ACO1: variants seen among roughly 807,000 people sequenced by gnomAD.
The protein encoded by ACO1 is aconitase 1, also known as cytoplasmic aconitate hydratase.
Under a neutral mutation model 105.1 loss-of-function variants are expected in ACO1, and 78 were observed. The observed-to-expected ratio is 0.74, with a 90% CI of 0.62 to 0.90. The LOEUF (loss-of-function observed/expected upper bound fraction) is 0.90. Ranked by LOEUF, ACO1 falls within the 40% of genes least tolerant of loss-of-function variation. The probability of loss-of-function intolerance (pLI) is 0.00; values close to 1 mark genes in which losing one functional copy is unlikely to be tolerated. For missense variants in ACO1, 965 were observed against 1,111.1 expected (o/e 0.87, Z 1.87); for synonymous variants, 364 against 397.4 (o/e 0.92, Z 1.00).
At chr9:32,437,151 C>T (rs1344927186) in intron 18 of ACO1, among the ~76,000 whole-genome samples, 1 of 152,202 alleles carries the variant, frequency 6.6e-6, no homozygotes, top group Non-Finnish European at 1.5e-5. Flanking sequence ...TGGCACTTAA[C>T]TACATTCCAG....
chr9:32,418,248 CG>C, intron 5 of ACO1, 51 bp downstream of exon 5: 1 of 1,611,778 alleles, frequency 6.2e-7, no homozygotes, highest in Non-Finnish European at 8.5e-7. Context: ...AGGCAGGGTA[CG>C]AGGGAGAGAT....
At chr9:32,437,456 G>A (rs1429254707) in intron 18 of ACO1, among the ~76,000 whole-genome samples, 1 of 152,156 alleles carries the variant, frequency 6.6e-6, no homozygotes, top group African/African-American at 2.4e-5. Flanking sequence ...CCTGTTCAAT[G>A]GATAGCAGAG....
At chr9:32,427,715 A>G (rs1422371349) in intron 12 of ACO1, among the ~76,000 whole-genome samples, 1 of 152,146 alleles carries the variant, frequency 6.6e-6, no homozygotes, top group East Asian at 1.9e-4. Context: ...GGACATTACC[A>G]CACACTACTG....
chr9:32,388,699 T>C (rs1428971894), intron 1 of ACO1, among the ~76,000 whole-genome samples: 2 of 152,194 alleles, frequency 1.3e-5, no homozygotes, highest in Non-Finnish European at 2.9e-5. Context: ...GTTTAGAAGA[T>C]AGACCAGTAG....
chr9:32,422,579 G>A (rs982927722), intron 8 of ACO1, among the ~76,000 whole-genome samples: 1 of 152,154 alleles, frequency 6.6e-6, no homozygotes, highest in South Asian at 2.1e-4. Flanking sequence ...TACTTCATGA[G>A]TATTATCTCC....
At position 32,450,989 on chromosome 9, in the gene ACO1, T is replaced by C. The variant is rs1245742013; in HGVS notation, c.*878T>C. The C allele has an allele frequency of 6.6e-6, 1 of 152,028 alleles. No individual in the cohort carries two copies. The highest frequency in any genetic ancestry group is 1.9e-4 in the East Asian group (1 of 5,192). The allele number at this position is 152,028 out of a possible 1,614,324, so 9.4% of individuals were successfully genotyped here. On this transcript the variant is annotated 3_prime_UTR_variant, in exon 21 of 21. Transcript: ENST00000309951. Reference sequence around the variant, plus strand: ...CAGAACTGTACGGGTATAACGGAAATGTTTAGGAACCATTATGCTCGCTCT... The same window carrying C: ...CAGAACTGTACGGGTATAACGGAAACGTTTAGGAACCATTATGCTCGCTCT...
At position 32,424,471 on chromosome 9, in the gene ACO1, A is replaced by C. The variant is rs1231959060; in HGVS notation, c.1072-78A>C. 3.2e-6 allele frequency: 3 copies of C among 940,694 alleles called. No individual in the cohort carries two copies. In the East Asian group the frequency reaches 7.5e-5, roughly 24 times the overall value. 58.3% of individuals were successfully genotyped at this position (940,694 alleles called of 1,614,324 possible). ...TTATTTTTATGGTTGTCATGTTTTA[A>C]ATTCTCTGACATGCTTTGGGTTTCC... is the stretch of plus-strand genomic sequence containing the variant. On this transcript the variant is annotated intron_variant, in intron 9 of 20. Coordinates refer to ENST00000309951, the MANE Select transcript of ACO1 (RefSeq NM_002197.3).
At position 32,433,790 on chromosome 9, in the gene ACO1, CA is replaced by C. The variant is rs1178158384; in HGVS notation, c.1917del (p.Lys639AsnfsTer14). The C allele has an allele frequency of 6.2e-7, 1 of 1,612,716 alleles. No homozygotes were observed. On this transcript the variant is annotated frameshift_variant, in exon 16 of 21. Coordinates refer to ENST00000309951, the MANE Select transcript of ACO1 (RefSeq NM_002197.3). LOFTEE classifies it high-confidence loss of function. The part of the protein sequence containing the change: ...PSDKLFFWNS[K>X]STYIKSPPFF... Reference sequence around the variant, plus strand: ...CAGATAAGCTGTTTTTCTGGAATTCCAAATCTACGTATATCAAATCACCACC... The same window carrying C: ...CAGATAAGCTGTTTTTCTGGAATTCCAATCTACGTATATCAAATCACCACC...
intron 1 of ACO1, among the ~76,000 whole-genome samples, 186 bp downstream of exon 1, chr9:32,384,921 C>A (rs1397351333): frequency 6.6e-6 from 1 of 152,228 alleles, no homozygotes; most frequent in African/African-American, 2.4e-5. Flanking sequence ...ACGTCTCCAC[C>A]CTGTCCCCAG....
At chr9:32,430,309 C>A in intron 13 of ACO1, 109 bp from the exon 14 acceptor site, 1 of 1,104,758 alleles carries the variant, frequency 9.1e-7, no homozygotes, top group Non-Finnish European at 1.3e-6. Context: ...AGTGAAAGGG[C>A]AGCTTAAAGG....
chr9:32,422,740 G>A (rs1587537717), intron 8 of ACO1, among the ~76,000 whole-genome samples: 1 of 152,168 alleles, frequency 6.6e-6, no homozygotes, highest in Admixed American at 6.5e-5. Context: ...ACATGAGAAA[G>A]TTACTTAGTC....
intron 1 of ACO1, among the ~76,000 whole-genome samples, chr9:32,394,494 C>G (rs1003070686): frequency 2.6e-5 from 4 of 151,796 alleles, no homozygotes; most frequent in African/African-American, 9.7e-5. Context: ...ATAGAAAGGC[C>G]CAGGTCCCAG....
At position 32,408,651 on chromosome 9, in the gene ACO1, G is replaced by A; in HGVS notation, c.404G>A (p.Arg135Lys). Residue 135 changes from arginine (R) to lysine (K), a missense_variant and splice_region_variant, in exon 4 of 21, where the codon AGG becomes AAG. Arg to Lys is a conservative substitution (Grantham distance 26). Transcript: ENST00000309951. Reference sequence around the variant, plus strand: ...TCCATCCAGGTTGATTTCAACAGAAGGTGAGAGATTAAAACGAATACCTGA... The same window carrying A: ...TCCATCCAGGTTGATTTCAACAGAAAGTGAGAGATTAAAACGAATACCTGA... ...DHSIQVDFNR[R>K]ADSLQKNQDL... 1.2e-6 allele frequency: 2 copies of A among 1,613,826 alleles called. No homozygotes were observed. Among genetic ancestry groups the A allele is most frequent in the Non-Finnish European group, 1.7e-6 (2 of 1,179,922 alleles).
chr9:32,443,559 T>C (rs1028971600), intron 19 of ACO1, among the ~76,000 whole-genome samples: 2 of 152,194 alleles, frequency 1.3e-5, no homozygotes, highest in African/African-American at 4.8e-5. Flanking sequence ...ATCAGATAAT[T>C]AAACAATTCT....
chr9:32,429,268 A>G (rs888035042), intron 12 of ACO1, 151 bp from the exon 13 acceptor site: 5 of 596,390 alleles, frequency 8.4e-6, no homozygotes, highest in Non-Finnish European at 1.5e-5. Flanking sequence ...TGCTCTCAAG[A>G]ATGAAACTTT....
rs747211129 is a variant in ACO1 at position 32,405,627 on chromosome 9, A to G, written c.97+24A>G. On this transcript the variant is annotated intron_variant, in intron 2 of 20. Transcript: ENST00000309951. The stretch of plus-strand genomic sequence containing the variant: ...TGGTAGGTACATGGCTGTGATAGCA[A>G]TTGGAATCTCATTTGCACAATGATT... 3.3e-6 allele frequency: 5 copies of G among 1,512,586 alleles called. No individual in the cohort carries two copies. In the East Asian group the frequency reaches 6.8e-5, roughly 20 times the overall value. 93.7% of individuals were successfully genotyped at this position (1,512,586 alleles called of 1,614,324 possible).
At chr9:32,422,444 A>C (rs1005101356) in intron 8 of ACO1, among the ~76,000 whole-genome samples, 3 of 152,216 alleles carry the variant, frequency 2.0e-5, no homozygotes, top group Non-Finnish European at 1.5e-5. Flanking sequence ...AGAGCTAATG[A>C]CGTTTACAGT....
intron 5 of ACO1, 48 bp downstream of exon 5, chr9:32,418,245 G>A (rs766204427): frequency 1.2e-6 from 2 of 1,612,458 alleles, no homozygotes; most frequent in South Asian, 1.1e-5. Context: ...TGTAGGCAGG[G>A]TACGAGGGAG....
At chr9:32,432,716 A>T (rs1009920955) in intron 15 of ACO1, among the ~76,000 whole-genome samples, 1 of 152,228 alleles carries the variant, frequency 6.6e-6, no homozygotes, top group African/African-American at 2.4e-5. Flanking sequence ...TTATTATTTC[A>T]TAAGTTATTG....
Sources: allele counts gnomAD v4.1 joint callset (sites outside exome capture counted in the v4.1 genomes callset), GRCh38; gene constraint gnomAD v4.1.1; transcripts MANE v1.5; gene names NCBI Gene and HGNC (gene_info 2026-07-23, HGNC 2026-07-21).